MYLK: variants seen among roughly 807,000 people sequenced by gnomAD.
The protein encoded by MYLK is myosin light chain kinase.
A neutral mutation model predicts 203.4 loss-of-function variants in MYLK; 106 were observed. The observed-to-expected ratio is 0.52, with a 90% confidence interval of 0.45 to 0.61. MYLK has a LOEUF of 0.61. MYLK is among the 20% of genes least tolerant of loss of function. The probability of loss-of-function intolerance (pLI) is 0.00; values close to 1 mark genes in which losing one functional copy is unlikely to be tolerated. For missense variants in MYLK, 2,072 were observed against 2,442.3 expected (o/e 0.85, Z 3.20); for synonymous variants, 867 against 959.5 (o/e 0.90, Z 1.78).
chr3:123,822,857 T>C, intron 3 of MYLK, among the ~76,000 whole-genome samples: 1 of 152,160 alleles, frequency 6.6e-6, no homozygotes, highest in East Asian at 1.9e-4. Flanking sequence ...TCAGGAAACG[T>C]CACTTCAGGC....
At chr3:123,768,767 T>C (rs1322462944) in intron 4 of MYLK, among the ~76,000 whole-genome samples, 4 of 152,350 alleles carry the variant, frequency 2.6e-5, no homozygotes, top group South Asian at 2.1e-4. Flanking sequence ...ATCAGATTTT[T>C]CCTCCTAATT....
At chr3:123,777,733 A>C (rs2109015454) in intron 4 of MYLK, among the ~76,000 whole-genome samples, 1 of 152,170 alleles carries the variant, frequency 6.6e-6, no homozygotes, top group East Asian at 1.9e-4. Flanking sequence ...ACACAGAACA[A>C]TGACAGAGCC....
chr3:123,829,941 T>C (rs1577085210), intron 3 of MYLK, among the ~76,000 whole-genome samples: 1 of 152,190 alleles, frequency 6.6e-6, no homozygotes, highest in Admixed American at 6.5e-5. Flanking sequence ...GTGAGTCCTA[T>C]GGTGTCATGT....
chr3:123,877,737 T>C (rs1285332274), intron 1 of MYLK, among the ~76,000 whole-genome samples: 1 of 152,210 alleles, frequency 6.6e-6, no homozygotes, highest in African/African-American at 2.4e-5. Context: ...CTCATGAACA[T>C]ACTCGTTTCC....
chr3:123,844,788 A>G (rs1301349309), intron 2 of MYLK, among the ~76,000 whole-genome samples: 1 of 145,876 alleles, frequency 6.9e-6, no homozygotes, highest in Admixed American at 6.9e-5. Flanking sequence ...GTGTGTCACC[A>G]TTTCTGGGTA....
At chr3:123,866,627 G>T (rs915773367) in intron 2 of MYLK, among the ~76,000 whole-genome samples, 2 of 152,080 alleles carry the variant, frequency 1.3e-5, no homozygotes, top group Non-Finnish European at 2.9e-5. Context: ...GCCAGGAAAG[G>T]CCTCATGGAG....
In MYLK at chr3:123,709,884, C is replaced by T; in HGVS notation, c.1814G>A (p.Ser605Asn). The T allele has an allele frequency of 4.3e-6, 7 of 1,614,122 alleles. No individual in the cohort carries two copies. Among genetic ancestry groups the T allele is most frequent in the Non-Finnish European group, 5.9e-6 (7 of 1,180,028 alleles). Reference protein sequence around the residue: ...SAWVTVHEKKSSRKSEYLLPV... With the variant: ...SAWVTVHEKKNSRKSEYLLPV... ...CAGAAGGTACTCACTCTTCCTGCTA[C>T]TCTTCTTTTCTGTGTGGTAGAAAAC... is the stretch of plus-strand genomic sequence containing the variant. Residue 605 changes from serine to asparagine, a missense_variant, in exon 14 of 34, where the codon AGT (serine) becomes AAT (asparagine). Coordinates refer to ENST00000360304, the MANE Select transcript of MYLK (RefSeq NM_053025.4).
intron 19 of MYLK, chr3:123,691,529 A>G (rs1429174585): frequency 1.3e-5 from 2 of 152,232 alleles, no homozygotes; most frequent in African/African-American, 4.8e-5. Context: ...GTGTTTTTAT[A>G]AAAAAGACTT....
At chr3:123,622,036 T>TAGAG (rs143913561) in intron 31 of MYLK, 1 of 152,014 alleles carries the variant, frequency 6.6e-6, no homozygotes, top group African/African-American at 2.4e-5. Context: ...AGACAAAGTG[T>TAGAG]AGAGAGAGAG....
In MYLK at chr3:123,817,018, G is replaced by A. The variant is rs57706599; in HGVS notation, c.-4+14530C>T. 6.7e-3 allele frequency among the ~76,000 whole-genome samples: 1,014 copies of A among 152,302 alleles called. 7 individuals are homozygous for A. Among genetic ancestry groups the A allele is most frequent in the African/African-American group, 0.021 (890 of 41,554 alleles). On this transcript the variant is annotated intron_variant, in intron 3 of 33. Transcript: ENST00000360304. ...GCTGTGCAGATTTAATATCAGTGGCGCAGATAAAATAATGTCAGCAGATTG... is the reference window on the plus strand; with the variant it reads ...GCTGTGCAGATTTAATATCAGTGGCACAGATAAAATAATGTCAGCAGATTG...
Position 123,628,650 on chromosome 3 carries a change from C to T in MYLK, c.5114+824G>A, listed in dbSNP as rs147691080. Among the ~76,000 whole-genome samples, 5 of 152,354 alleles carry T rather than the reference C, an allele frequency of 3.3e-5. No individual in the cohort carries two copies. In the East Asian group the frequency reaches 7.7e-4, roughly 23 times the overall value. On this transcript the variant is annotated intron_variant, in intron 30 of 33. Transcript: ENST00000360304. The stretch of plus-strand genomic sequence containing the variant: ...GGCAGCTCTCCCTACACATGCAGAG[C>T]CCAGGACAGTTCCTTCCAGGAGATT...
At position 123,620,217 on chromosome 3, in the gene MYLK, T is replaced by C. The variant is rs2057775667; in HGVS notation, c.5358A>G (p.Leu1786=). The C allele has an allele frequency of 5.6e-6, 9 of 1,614,098 alleles. No individual in the cohort carries two copies. Among genetic ancestry groups the C allele is most frequent in the African/African-American group, 2.7e-5 (2 of 75,026 alleles). ...SPTSPLNAEK[L]ESEEDVSQAF... ...GAAACTCCTCCTTACCTTCAGATTC[T>C]AGTTTTTCTGCATTGAGCGGGCTGG... Residue 1786 remains leucine (L), a synonymous_variant, in exon 32 of 34, where the codon CTA becomes CTG. Coordinates refer to ENST00000360304, the MANE Select transcript of MYLK (RefSeq NM_053025.4).
chr3:123,654,928 G>A (rs2059345290), intron 24 of MYLK, among the ~76,000 whole-genome samples: 1 of 151,914 alleles, frequency 6.6e-6, no homozygotes, highest in South Asian at 2.1e-4. Flanking sequence ...ATGTTGCCCA[G>A]GCTACTCTTG....
chr3:123,643,804 G>A (rs1225971086), intron 27 of MYLK, among the ~76,000 whole-genome samples: 1 of 152,254 alleles, frequency 6.6e-6, no homozygotes, highest in Non-Finnish European at 1.5e-5. Context: ...CACTGGACTC[G>A]AGACCCTCCG....
At chr3:123,868,442 C>A (rs1458230420) in intron 2 of MYLK, among the ~76,000 whole-genome samples, 1 of 152,164 alleles carries the variant, frequency 6.6e-6, no homozygotes, top group Non-Finnish European at 1.5e-5. Flanking sequence ...TAATACCCAA[C>A]ATTTTCTGAG....
chr3:123,720,194 G>C (rs974838348), intron 13 of MYLK, among the ~76,000 whole-genome samples: 2 of 152,160 alleles, frequency 1.3e-5, no homozygotes, highest in African/African-American at 4.8e-5. Context: ...GGACCTCTCT[G>C]TGCTTTTTGT....
chr3:123,776,799 T>C (rs1362885008), intron 4 of MYLK, among the ~76,000 whole-genome samples: 4 of 152,098 alleles, frequency 2.6e-5, no homozygotes, highest in African/African-American at 9.7e-5. Context: ...ACCTGGAGAG[T>C]TGGCAAATTA....
At chr3:123,812,107 G>A (rs909878783) in intron 3 of MYLK, among the ~76,000 whole-genome samples, 4 of 152,092 alleles carry the variant, frequency 2.6e-5, no homozygotes, top group African/African-American at 7.2e-5. Context: ...CAGAGTCAGC[G>A]ATAGAGATTC....
At chr3:123,738,779 C>T (rs190982685) in intron 7 of MYLK, 118 bp downstream of exon 7, 181 of 1,346,564 alleles carry the variant, frequency 1.3e-4, no homozygotes, top group African/African-American at 2.9e-4. Flanking sequence ...CCATGTGGAA[C>T]GGTGAGTCCA....
Sources: gnomAD v4.1 joint callset for allele counts (sites outside exome capture counted in the v4.1 genomes callset) on GRCh38, gnomAD v4.1.1 for gene constraint, MANE v1.5 for transcripts, NCBI Gene and HGNC (gene_info 2026-07-23, HGNC 2026-07-21) for gene names.